Variants in PPP4R3A observed in about 807,000 individuals in gnomAD.
PPP4R3A encodes protein phosphatase 4 regulatory subunit 3A.
Under a neutral mutation model 91.7 loss-of-function variants are expected in PPP4R3A, and 15 were observed. That is an observed-to-expected ratio of 0.16 (90% CI 0.11 to 0.25). PPP4R3A has a LOEUF of 0.25. Ranked by LOEUF, PPP4R3A falls within the 10% of genes least tolerant of loss-of-function variation. PPP4R3A has a pLI of 1.00. For missense variants in PPP4R3A, 623 were observed against 998.4 expected (o/e 0.62, Z 5.07); for synonymous variants, 377 against 348.7 (o/e 1.08, Z -0.91).
chr14:91,474,402 A>T (rs1734601613), intron 7 of PPP4R3A, among the ~76,000 whole-genome samples: 1 of 152,170 alleles, frequency 6.6e-6, no homozygotes, highest in Non-Finnish European at 1.5e-5. Flanking sequence ...TGGACAAGGG[A>T]TAGAGAAAAT....
At chr14:91,509,360 C>G in intron 1 of PPP4R3A, 146 bp downstream of exon 1, 1 of 1,161,994 alleles carries the variant, frequency 8.6e-7, no homozygotes. Flanking sequence ...GACTGGGGTA[C>G]CTGGGGCCCG....
intron 1 of PPP4R3A, among the ~76,000 whole-genome samples, chr14:91,499,101 T>C (rs183111000): frequency 3.0e-4 from 45 of 151,774 alleles, no homozygotes; most frequent in African/African-American, 1.1e-3. Flanking sequence ...CCTCTATCTC[T>C]ACAAAAAATA....
chr14:91,481,443 TA>T, intron 4 of PPP4R3A, 132 bp downstream of exon 4: 1 of 946,132 alleles, frequency 1.1e-6, no homozygotes, highest in Non-Finnish European at 1.5e-6. Context: ...TTGTATATTA[TA>T]ATCTCTTAAA....
chr14:91,466,938 A>T (rs1306438385), intron 10 of PPP4R3A, among the ~76,000 whole-genome samples: 4 of 27,228 alleles, frequency 1.5e-4, no homozygotes, highest in Non-Finnish European at 2.6e-4. Context: ...GTGTCCTACC[A>T]TAACACACAC....
chr14:91,494,998 A>G (rs1276440061), intron 1 of PPP4R3A, among the ~76,000 whole-genome samples: 2 of 152,212 alleles, frequency 1.3e-5, no homozygotes, highest in Non-Finnish European at 2.9e-5. Context: ...GCTTCTGGGA[A>G]TATAAAATGA....
intron 4 of PPP4R3A, among the ~76,000 whole-genome samples, chr14:91,479,293 CGTGT>C (rs3029507): frequency 0.16 from 23,231 of 144,102 alleles, 2,029 homozygotes; most frequent in East Asian, 0.4. Flanking sequence ...TAAAAAACAA[CGTGT>C]GTGTGTGTGT....
chr14:91,469,794 C>A (rs1024339248), intron 10 of PPP4R3A, among the ~76,000 whole-genome samples: 7 of 152,042 alleles, frequency 4.6e-5, no homozygotes, highest in Non-Finnish European at 1.0e-4. Flanking sequence ...GAACTCCTGA[C>A]CTCAGGTGAT....
In PPP4R3A at chr14:91,462,149, ATCT is replaced by A. The variant is rs1888199499; in HGVS notation, c.2061_2063del (p.Glu687del). On this transcript the variant is annotated inframe_deletion, in exon 13 of 15. Transcript: ENST00000554943. ...CTACAGCTTCTCCATCTTCCATGTC[ATCT>A]TCATCTGTGTTAAACCACATCTCTT... The A allele has an allele frequency of 6.2e-7, 1 of 1,608,760 alleles. No individual in the cohort carries two copies. Among genetic ancestry groups the A allele is most frequent in the African/African-American group, 1.3e-5 (1 of 74,586 alleles).
At chr14:91,460,302 C>T (rs1234627803) in intron 14 of PPP4R3A, among the ~76,000 whole-genome samples, 2 of 152,146 alleles carry the variant, frequency 1.3e-5, no homozygotes, top group African/African-American at 4.8e-5. Flanking sequence ...CGTAAGCCAC[C>T]GCGCCTGGCT....
intron 1 of PPP4R3A, among the ~76,000 whole-genome samples, chr14:91,491,622 G>T (rs1363549679): frequency 1.3e-5 from 2 of 150,990 alleles, no homozygotes; most frequent in African/African-American, 2.4e-5. Context: ...GGCCAGGATG[G>T]TCTCAATCTC....
chr14:91,494,821 G>A (rs1890441107), intron 1 of PPP4R3A, among the ~76,000 whole-genome samples: 1 of 152,106 alleles, frequency 6.6e-6, no homozygotes, highest in Non-Finnish European at 1.5e-5. Flanking sequence ...AGCCAGGATT[G>A]CACCACTGCA....
chr14:91,463,567 A>G (rs1803575600), intron 11 of PPP4R3A, among the ~76,000 whole-genome samples: 1 of 151,542 alleles, frequency 6.6e-6, no homozygotes, highest in South Asian at 2.1e-4. Flanking sequence ...CTGAGCAGCT[A>G]GGACTATCGG....
chr14:91,505,815 G>C (rs1039380919), intron 1 of PPP4R3A, among the ~76,000 whole-genome samples: 1 of 152,132 alleles, frequency 6.6e-6, no homozygotes. Context: ...TTTCCATTTT[G>C]CTCATGACAA....
At position 91,458,866 on chromosome 14, in the gene PPP4R3A, C is replaced by T; in HGVS notation, c.2395G>A (p.Gly799Ser). The change falls in exon 15 of 15, where the codon GGC (glycine) becomes AGC (serine). Residue 799 changes from glycine (G) to serine (S), a missense_variant. Around this residue, in one of 5 missense-constraint regions of PPP4R3A, gnomAD observed 201 missense variants for 229.9 expected, o/e 0.87. Coordinates refer to ENST00000554943, the MANE Select transcript of PPP4R3A (RefSeq NM_001366432.2). ...SQTAAITTKG[G>S]LVGLVDYPDD... is the part of the protein sequence containing the mutation. ...GGATAATCTACCAGACCCACGAGGCCTCCCTGTTAAGAAATAAGGATTATT... is the reference window on the plus strand; with the variant it reads ...GGATAATCTACCAGACCCACGAGGCTTCCCTGTTAAGAAATAAGGATTATT... 6.2e-7 allele frequency: 1 copy of T among 1,608,522 alleles called. No individual in the cohort carries two copies. Among genetic ancestry groups the T allele is most frequent in the South Asian group, 1.1e-5 (1 of 90,382 alleles).
At chr14:91,503,373 G>A (rs938303051) in intron 1 of PPP4R3A, among the ~76,000 whole-genome samples, 2 of 151,232 alleles carry the variant, frequency 1.3e-5, no homozygotes, top group African/African-American at 4.9e-5. Context: ...CTGTAGCCTC[G>A]ACCTCTGGGC....
chr14:91,505,367 T>C (rs1891228795), intron 1 of PPP4R3A, among the ~76,000 whole-genome samples: 1 of 151,908 alleles, frequency 6.6e-6, no homozygotes, highest in African/African-American at 2.4e-5. Context: ...TGAGAATCCC[T>C]TGAACCTGGA....
intron 1 of PPP4R3A, among the ~76,000 whole-genome samples, chr14:91,507,924 C>T (rs1036122932): frequency 6.6e-6 from 1 of 151,886 alleles, no homozygotes; most frequent in Non-Finnish European, 1.5e-5. Flanking sequence ...GAGTTTGAGA[C>T]CAGCCTTGGC....
At chr14:91,491,902 G>T (rs1470494868) in intron 1 of PPP4R3A, among the ~76,000 whole-genome samples, 1 of 150,054 alleles carries the variant, frequency 6.7e-6, no homozygotes, top group Non-Finnish European at 1.5e-5. Flanking sequence ...GTACAGACGG[G>T]GTCTCCCTTT....
chr14:91,503,256 C>T (rs1566656941), intron 1 of PPP4R3A, among the ~76,000 whole-genome samples: 1 of 151,778 alleles, frequency 6.6e-6, no homozygotes, highest in Non-Finnish European at 1.5e-5. Flanking sequence ...TCCCAAAGTG[C>T]TAGGATTACA....
Sources: gnomAD v4.1 joint callset for allele counts (sites outside exome capture counted in the v4.1 genomes callset) on GRCh38, gnomAD v4.1.1 for gene constraint, gnomAD v4.1.1 regional missense constraint, MANE v1.5 for transcripts, NCBI Gene and HGNC (gene_info 2026-07-23, HGNC 2026-07-21) for gene names.